Variants in MRLN observed in about 807,000 individuals in gnomAD.
MRLN encodes the protein Linc-RNA activator of myogenesis.
intron 1 of MRLN, among the ~76,000 whole-genome samples, chr10:59,741,650 C>T (rs761986890): frequency 6.6e-6 from 1 of 152,116 alleles, no homozygotes; most frequent in Non-Finnish European, 1.5e-5. Flanking sequence ...TCCCAAAATG[C>T]TAGGATTACA....
intron 1 of MRLN, chr10:59,739,046 C>G (rs1364000034): frequency 6.6e-6 from 1 of 151,914 alleles, no homozygotes; most frequent in Non-Finnish European, 1.5e-5. Flanking sequence ...TTGTTTGAAC[C>G]CAGGAGGCGG....
chr10:59,751,699 C>T (rs1487235761), intron 1 of MRLN, among the ~76,000 whole-genome samples: 2 of 149,606 alleles, frequency 1.3e-5, no homozygotes, highest in Admixed American at 6.6e-5. Flanking sequence ...AAGTGATACC[C>T]AAGGAGGAGT....
At chr10:59,743,994 G>T (rs1403975411) in intron 1 of MRLN, among the ~76,000 whole-genome samples, 1 of 152,124 alleles carries the variant, frequency 6.6e-6, no homozygotes, top group African/African-American at 2.4e-5. Context: ...GAGTGCAGTG[G>T]CGTGATCTCG....
chr10:59,749,436 G>C (rs777974141), intron 1 of MRLN, among the ~76,000 whole-genome samples: 1 of 152,182 alleles, frequency 6.6e-6, no homozygotes, highest in South Asian at 2.1e-4. Flanking sequence ...GCTCACACCC[G>C]TAATCCCAGC....
At position 59,746,846 on chromosome 10, in the gene MRLN, C is replaced by T. The variant is rs192931688; in HGVS notation, c.-125+6508G>A. On this transcript the variant is annotated intron_variant, in intron 1 of 2. Coordinates refer to ENST00000414264, the MANE Select transcript of MRLN (RefSeq NM_001304731.2). ...TTGCTCTTGTTGCCCAGGCTGGAGT[C>T]CAATGGCACGATGTCGGCTCACTGC... Among the ~76,000 whole-genome samples, 102 of 152,298 alleles carry T rather than the reference C, an allele frequency of 6.7e-4. 1 individual carries two copies. The highest frequency in any genetic ancestry group is 2.4e-3 in the African/African-American group (101 of 41,570).
chr10:59,739,723 G>A (rs1589015515), intron 1 of MRLN: 2 of 152,210 alleles, frequency 1.3e-5, no homozygotes, highest in South Asian at 4.1e-4. Flanking sequence ...TCTGATTGCT[G>A]TCTCCTTTAA....
Position 59,736,838 on chromosome 10 carries a change from G to A in MRLN, c.*222C>T, listed in dbSNP as rs1391132362. 4.5e-6 allele frequency: 1 copy of A among 220,690 alleles called. No individual in the cohort carries two copies. The highest frequency in any genetic ancestry group is 2.2e-5 in the African/African-American group (1 of 44,468). The allele number at this position is 220,690 out of a possible 1,614,324, so 13.7% of individuals were successfully genotyped here. On this transcript the variant is annotated 3_prime_UTR_variant, in exon 3 of 3. Coordinates refer to ENST00000414264, the MANE Select transcript of MRLN (RefSeq NM_001304731.2). The stretch of plus-strand genomic sequence containing the variant: ...AATCTAGAAGTTTCATGACTCAGTA[G>A]GATAGATGTTTTTGGGGAAAAAAAT...
At chr10:59,744,003 C>T (rs1014134382) in intron 1 of MRLN, among the ~76,000 whole-genome samples, 19 of 152,142 alleles carry the variant, frequency 1.2e-4, no homozygotes, top group African/African-American at 4.3e-4. Context: ...GGCGTGATCT[C>T]GGCTCGCTAC....
At chr10:59,752,954 T>C (rs1485846690) in intron 1 of MRLN, among the ~76,000 whole-genome samples, 2 of 152,164 alleles carry the variant, frequency 1.3e-5, no homozygotes, top group African/African-American at 2.4e-5. Context: ...CCCCTACATA[T>C]ACTTTTCATA....
intron 1 of MRLN, among the ~76,000 whole-genome samples, chr10:59,745,491 C>A (rs1035380737): frequency 1.6e-5 from 2 of 122,486 alleles, no homozygotes; most frequent in Admixed American, 8.2e-5. Flanking sequence ...AATTCCCCCC[C>A]CCACCCCCCA....
At chr10:59,739,213 AC>A (rs1242987146) in intron 1 of MRLN, 1 of 152,176 alleles carries the variant, frequency 6.6e-6, no homozygotes, top group African/African-American at 2.4e-5. Context: ...AACAATTACA[AC>A]CAGAAAAGCC....
intron 1 of MRLN, among the ~76,000 whole-genome samples, chr10:59,746,709 A>G (rs927998874): frequency 1.3e-5 from 2 of 152,214 alleles, no homozygotes; most frequent in Admixed American, 6.5e-5. Context: ...GTTAGTTGCT[A>G]ATTTATTCAC....
intron 1 of MRLN, among the ~76,000 whole-genome samples, chr10:59,742,112 A>C (rs1840990244): frequency 4.6e-5 from 7 of 152,198 alleles, no homozygotes. Flanking sequence ...ACCAGAATGC[A>C]TGGCTATCTG....
At chr10:59,751,669 C>CAAA (rs10652105) in intron 1 of MRLN, among the ~76,000 whole-genome samples, 3,148 of 81,844 alleles carry the variant, frequency 0.038, 314 homozygotes, top group African/African-American at 0.13. Flanking sequence ...GACTCTGTCT[C>CAAA]AAAAAAAAAA....
intron 1 of MRLN, among the ~76,000 whole-genome samples, chr10:59,743,862 C>T (rs940619627): frequency 3.2e-4 from 48 of 152,170 alleles, no homozygotes; most frequent in Non-Finnish European, 5.7e-4. Context: ...GACGGGGTTT[C>T]GCCATGTTGG....
intron 1 of MRLN, among the ~76,000 whole-genome samples, chr10:59,745,343 C>A (rs1841032611): frequency 6.6e-6 from 1 of 152,280 alleles, no homozygotes; most frequent in East Asian, 1.9e-4. Flanking sequence ...ATGTGTTTAT[C>A]TCAGGACCTT....
intron 1 of MRLN, among the ~76,000 whole-genome samples, chr10:59,751,520 A>G (rs1416601654): frequency 2.6e-5 from 4 of 151,950 alleles, no homozygotes; most frequent in Non-Finnish European, 4.4e-5. Context: ...ATAACAAAAA[A>G]TTAGCTGGGC....
intron 2 of MRLN, chr10:59,737,924 C>T (rs1840941152): frequency 6.6e-6 from 1 of 152,056 alleles, no homozygotes; most frequent in African/African-American, 2.4e-5. Context: ...CCAAAGTTCC[C>T]CATATATACT....
Position 59,753,400 on chromosome 10 carries a change from C to T in MRLN, c.-171G>A, listed in dbSNP as rs1268357925. On this transcript the variant is annotated 5_prime_UTR_variant, in exon 1 of 3. Transcript: ENST00000414264. ...AAGTCCAAAGTCAAGGGAATGATCT[C>T]TCTCTTTTATGAAAAACACCATATG... 6.6e-6 allele frequency: 1 copy of T among 152,042 alleles called. No individual in the cohort carries two copies. 9.4% of individuals were successfully genotyped at this position (152,042 alleles called of 1,614,324 possible). A position where few individuals can be genotyped will look rare whatever the true frequency, so the allele number is the denominator to read the frequency against.
Sources: allele counts gnomAD v4.1 joint callset (sites outside exome capture counted in the v4.1 genomes callset), GRCh38; gene constraint gnomAD v4.1.1; transcripts MANE v1.5; gene names NCBI Gene and HGNC (gene_info 2026-07-23, HGNC 2026-07-21).